Variants in GNAI1 observed in about 807,000 individuals in gnomAD.
GNAI1 encodes the protein guanine nucleotide-binding protein G(i) subunit alpha-1.
In GNAI1, 11 loss-of-function variants were observed where a neutral mutation model predicts 38.9. That is an observed-to-expected ratio of 0.28 (90% CI 0.18 to 0.47). The LOEUF (loss-of-function observed/expected upper bound fraction) is 0.47, where lower values mean the gene tolerates loss of function less well. Ranked by LOEUF, GNAI1 falls within the 20% of genes least tolerant of loss-of-function variation. The pLI is 0.99. For missense variants in GNAI1, 317 were observed against 436.9 expected (o/e 0.73, Z 2.45); for synonymous variants, 166 against 145.1 (o/e 1.14, Z -1.04).
At position 80,223,816 on chromosome 7, in the gene GNAI1, A is replaced by G. The variant is rs967296090; in HGVS notation, c.*6323A>G. Among the ~76,000 whole-genome samples, 1 of 152,228 alleles carries G rather than the reference A, an allele frequency of 6.6e-6. No homozygotes were observed. The highest frequency in any genetic ancestry group is 1.5e-5 in the Non-Finnish European group (1 of 68,038). ...ATAACTTTTTTGCAGACTTGAGCAT[A>G]CGTTTAAACCATTTAACCATTCTTG... is the stretch of plus-strand genomic sequence containing the variant. On this transcript the variant is annotated 3_prime_UTR_variant, in exon 8 of 8. Transcript: ENST00000649796.
At chr7:80,183,474 G>T (rs1249067524) in intron 1 of GNAI1, among the ~76,000 whole-genome samples, 1 of 152,100 alleles carries the variant, frequency 6.6e-6, no homozygotes, top group Non-Finnish European at 1.5e-5. Flanking sequence ...TTTCTTAAAA[G>T]GAGAGTAGAG....
chr7:80,209,708 T>C (rs556148811), intron 5 of GNAI1, among the ~76,000 whole-genome samples: 105 of 152,290 alleles, frequency 6.9e-4, no homozygotes, highest in African/African-American at 2.4e-3. Context: ...ATCTGAGATA[T>C]GCTATCTTTT....
At chr7:80,215,154 T>G (rs1788938939) in intron 7 of GNAI1, among the ~76,000 whole-genome samples, 1 of 152,168 alleles carries the variant, frequency 6.6e-6, no homozygotes, top group South Asian at 2.1e-4. Flanking sequence ...TATCACACAT[T>G]AAAAAACAAT....
intron 5 of GNAI1, among the ~76,000 whole-genome samples, chr7:80,207,056 G>T (rs1488938095): frequency 2.0e-5 from 3 of 152,068 alleles, no homozygotes; most frequent in Non-Finnish European, 2.9e-5. Flanking sequence ...AACAAGTAAA[G>T]ATTCTAGACT....
At chr7:80,160,808 A>G (rs1355177907) in intron 1 of GNAI1, among the ~76,000 whole-genome samples, 1 of 152,160 alleles carries the variant, frequency 6.6e-6, no homozygotes, top group East Asian at 1.9e-4. Flanking sequence ...GGCAAAAAGT[A>G]TATTTTTTAT....
At chr7:80,189,537 G>T (rs1419132788) in intron 3 of GNAI1, among the ~76,000 whole-genome samples, 2 of 152,062 alleles carry the variant, frequency 1.3e-5, no homozygotes, top group Non-Finnish European at 2.9e-5. Flanking sequence ...ATAATTTTTA[G>T]TACTGAGTAA....
chr7:80,175,054 A>G (rs772304989), intron 1 of GNAI1, among the ~76,000 whole-genome samples: 9 of 152,234 alleles, frequency 5.9e-5, no homozygotes, highest in African/African-American at 9.6e-5. Context: ...AAGCAGTTGT[A>G]TGAATGTTTG....
chr7:80,216,130 A>T (rs1022505981), intron 7 of GNAI1, among the ~76,000 whole-genome samples: 1 of 152,166 alleles, frequency 6.6e-6, no homozygotes, highest in Admixed American at 6.6e-5. Context: ...TACATAGAGC[A>T]TTACATTATA....
intron 7 of GNAI1, 44 bp from the exon 8 acceptor site, chr7:80,217,259 T>C (rs369674476): frequency 1.0e-4 from 65 of 638,966 alleles, no homozygotes; most frequent in Non-Finnish European, 4.6e-5. Context: ...TAAGCAGTTA[T>C]TTTAACTTTT....
At position 80,223,618 on chromosome 7, in the gene GNAI1, C is replaced by G. The variant is rs925657851; in HGVS notation, c.*6125C>G. 6.6e-6 allele frequency among the ~76,000 whole-genome samples: 1 copy of G among 152,102 alleles called. No homozygotes were observed. Among genetic ancestry groups the G allele is most frequent in the Non-Finnish European group, 1.5e-5 (1 of 68,008 alleles). On this transcript the variant is annotated 3_prime_UTR_variant, in exon 8 of 8. Transcript: ENST00000649796. ...TATCAATTTTGTAGCTTGTGGAATG[C>G]GGACTATCCCAGCAGCAAATTCATT... is the stretch of plus-strand genomic sequence containing the variant.
chr7:80,206,797 A>G (rs1483154912), intron 5 of GNAI1, among the ~76,000 whole-genome samples: 4 of 152,178 alleles, frequency 2.6e-5, no homozygotes, highest in South Asian at 4.1e-4. Flanking sequence ...GTAGGCATAC[A>G]TATCTATGAT....
chr7:80,158,108 G>A (rs1787851504), intron 1 of GNAI1, among the ~76,000 whole-genome samples: 1 of 152,076 alleles, frequency 6.6e-6, no homozygotes, highest in Non-Finnish European at 1.5e-5. Flanking sequence ...TTTTCTTATT[G>A]TTTCTGTGTT....
intron 1 of GNAI1, among the ~76,000 whole-genome samples, chr7:80,164,597 C>T (rs753592270): frequency 1.8e-4 from 27 of 152,090 alleles, no homozygotes; most frequent in African/African-American, 9.7e-5. Context: ...CTCCTGACCT[C>T]GTGATCTGCC....
intron 1 of GNAI1, among the ~76,000 whole-genome samples, chr7:80,143,571 GA>G (rs1204236331): frequency 6.6e-6 from 1 of 152,096 alleles, no homozygotes. Context: ...TAGCTCTGTA[GA>G]AAGGCTTTCC....
chr7:80,170,266 G>C (rs1244300348), intron 1 of GNAI1, among the ~76,000 whole-genome samples: 1 of 152,190 alleles, frequency 6.6e-6, no homozygotes, highest in Non-Finnish European at 1.5e-5. Flanking sequence ...AGCAGTGTAT[G>C]AAGATTCCAT....
At chr7:80,141,106 A>G (rs1353828952) in intron 1 of GNAI1, among the ~76,000 whole-genome samples, 3 of 152,188 alleles carry the variant, frequency 2.0e-5, no homozygotes, top group Admixed American at 2.0e-4. Context: ...CATCTGCAAA[A>G]TTCCTTTTGC....
chr7:80,170,576 G>A (rs1788084205), intron 1 of GNAI1, among the ~76,000 whole-genome samples: 1 of 152,156 alleles, frequency 6.6e-6, no homozygotes, highest in Non-Finnish European at 1.5e-5. Context: ...AGCATGGCTG[G>A]GAGGCATCAG....
At position 80,204,783 on chromosome 7, in the gene GNAI1, TGAA is replaced by T. The variant is rs1363973415; in HGVS notation, c.590+952_590+954del. On this transcript the variant is annotated intron_variant, in intron 5 of 7. Transcript: ENST00000649796. ...TTCTGTTAATGTAATAGTAAAATCA[TGAA>T]AAAAGAAATTATGTAGCCTATGTAA... 5.9e-5 allele frequency among the ~76,000 whole-genome samples: 9 copies of T among 152,122 alleles called. No homozygotes were observed. The East Asian group carries it at 1.7e-3, about 29-fold the overall frequency.
intron 1 of GNAI1, among the ~76,000 whole-genome samples, chr7:80,150,118 G>A (rs1787698064): frequency 6.6e-6 from 1 of 151,978 alleles, no homozygotes; most frequent in African/African-American, 2.4e-5. Context: ...AACAATTTTG[G>A]GTAAAGCTTT....
Sources: allele counts gnomAD v4.1 joint callset (sites outside exome capture counted in the v4.1 genomes callset), GRCh38; gene constraint gnomAD v4.1.1; transcripts MANE v1.5; gene names NCBI Gene and HGNC (gene_info 2026-07-23, HGNC 2026-07-21).